The following CHODL variants were observed in gnomAD, a reference collection of about 807,000 sequenced individuals.
CHODL encodes the protein chondrolectin.
A neutral mutation model predicts 34.5 loss-of-function variants in CHODL; 29 were observed. The observed-to-expected ratio is 0.84, with a 90% confidence interval of 0.63 to 1.15. The LOEUF (loss-of-function observed/expected upper bound fraction) is 1.15, where lower values mean the gene tolerates loss of function less well. Among genes scored for constraint, CHODL ranks in the 50% most tolerant of loss-of-function variants. The pLI, the probability that CHODL is intolerant of heterozygous loss-of-function variation, is 0.00. For synonymous variants in CHODL, 125 were observed against 116.1 expected, an observed-to-expected ratio of 1.08 and a Z score of -0.49; for missense variants, 332 against 332.5, an observed-to-expected ratio of 1.00 and a Z score of 0.01.
chr21:17,972,417 T>G (rs1452257203), intron 1 of CHODL, among the ~76,000 whole-genome samples: 1 of 152,194 alleles, frequency 6.6e-6, no homozygotes, highest in Non-Finnish European at 1.5e-5. Context: ...CAAAATCTCC[T>G]TAAGCTGATA....
chr21:18,122,572 G>A (rs2065493218), intron 2 of CHODL, among the ~76,000 whole-genome samples: 1 of 151,888 alleles, frequency 6.6e-6, no homozygotes, highest in African/African-American at 2.4e-5. Context: ...TATTTTAATG[G>A]GCTCTTCCAA....
Position 18,072,392 on chromosome 21 carries a change from A to G in CHODL, c.-45+44421A>G, listed in dbSNP as rs546237423. ...GAAATATTTTTTAAGACACAATGCT[A>G]GTTACATGGATGAAGCCCTCTCCCA... On this transcript the variant is annotated intron_variant, in intron 2 of 6. Coordinates refer to the CHODL transcript ENST00000400127. Among the ~76,000 whole-genome samples the G allele has an allele frequency of 9.9e-5, 15 of 152,260 alleles. No homozygotes were observed. In the South Asian group the frequency reaches 1.9e-3, roughly 19 times the overall value.
intron 2 of CHODL, among the ~76,000 whole-genome samples, chr21:18,219,814 A>G (rs115348513): frequency 1.3e-5 from 2 of 150,884 alleles, no homozygotes; most frequent in Non-Finnish European, 3.0e-5. Flanking sequence ...TGAGTTCCTT[A>G]TATATTAAAA....
At chr21:18,002,751 T>C (rs1194268600) in intron 1 of CHODL, among the ~76,000 whole-genome samples, 3 of 152,050 alleles carry the variant, frequency 2.0e-5, no homozygotes, top group Admixed American at 6.6e-5. Flanking sequence ...GGAAATATGG[T>C]TTGATGGACA....
rs140007983 is a variant in CHODL, at chr21:17,971,257, G to A, written c.-145+53857G>A. On this transcript the variant is annotated intron_variant, in intron 1 of 6. Transcript: ENST00000400127. ...CCTTTGCGTGTATACCCAGTAATGG[G>A]ATTGCTGGGTCAAATGGTATTTCTA... 6.7e-3 allele frequency among the ~76,000 whole-genome samples: 1,020 copies of A among 152,284 alleles called. 13 individuals carry two copies. The highest frequency in any genetic ancestry group is 0.023 in the African/African-American group (944 of 41,566).
chr21:18,086,877 A>G (rs912556420), intron 2 of CHODL, among the ~76,000 whole-genome samples: 42 of 152,210 alleles, frequency 2.8e-4, no homozygotes, highest in Admixed American at 2.4e-3. Flanking sequence ...TGGTGAGCCA[A>G]GTGTGTGGGT....
At chr21:18,071,146 A>C (rs1216950401) in intron 2 of CHODL, among the ~76,000 whole-genome samples, 1 of 112,658 alleles carries the variant, frequency 8.9e-6, no homozygotes, top group African/African-American at 3.5e-5. Context: ...TAACTACAGC[A>C]TTTTTTTTTT....
chr21:18,162,475 GTGTC>G (rs1236880406), intron 2 of CHODL, among the ~76,000 whole-genome samples: 3 of 151,780 alleles, frequency 2.0e-5, no homozygotes, highest in Non-Finnish European at 4.4e-5. Flanking sequence ...GTAAGTGTGT[GTGTC>G]TGTGTCTGTG....
At chr21:18,209,293 C>T (rs999720065) in intron 2 of CHODL, among the ~76,000 whole-genome samples, 3 of 152,176 alleles carry the variant, frequency 2.0e-5, no homozygotes, top group East Asian at 3.9e-4. Context: ...AGTCTCTTCT[C>T]GTGGCCACTA....
chr21:18,241,249 T>TA (rs34330433), upstream of CHODL, among the ~76,000 whole-genome samples: 14,208 of 144,846 alleles, frequency 0.098, 714 homozygotes, highest in Non-Finnish European at 0.11. Context: ...ATTACTCAGA[T>TA]AAAAAAAAAA....
At chr21:18,181,627 T>TG (rs1568926179) in intron 2 of CHODL, among the ~76,000 whole-genome samples, 1 of 152,156 alleles carries the variant, frequency 6.6e-6, no homozygotes, top group Non-Finnish European at 1.5e-5. Context: ...CCTGACCTCG[T>TG]GATCCGACTG....
At chr21:18,001,316 G>T (rs2063903710) in intron 1 of CHODL, among the ~76,000 whole-genome samples, 1 of 152,206 alleles carries the variant, frequency 6.6e-6, no homozygotes, top group Non-Finnish European at 1.5e-5. Context: ...CCCATTTCAG[G>T]GAATTTTGAA....
intron 2 of CHODL, among the ~76,000 whole-genome samples, chr21:18,125,782 A>G (rs1034488349): frequency 6.6e-6 from 1 of 152,114 alleles, no homozygotes; most frequent in Non-Finnish European, 1.5e-5. Flanking sequence ...AAACTTTTGT[A>G]TGGAAAAAGG....
chr21:18,186,382 T>C (rs553884844), intron 2 of CHODL, among the ~76,000 whole-genome samples: 3 of 151,514 alleles, frequency 2.0e-5, no homozygotes, highest in South Asian at 4.2e-4. Context: ...AAGTTGCTCC[T>C]TAGGGAAGAA....
chr21:17,959,994 C>T (rs372552204), intron 1 of CHODL, among the ~76,000 whole-genome samples: 203 of 152,052 alleles, frequency 1.3e-3, no homozygotes, highest in African/African-American at 4.4e-3. Flanking sequence ...GTGAACAGTG[C>T]GGGGGTGATA....
At chr21:18,178,581 T>G (rs897325699) in intron 2 of CHODL, among the ~76,000 whole-genome samples, 3 of 152,226 alleles carry the variant, frequency 2.0e-5, no homozygotes, top group Non-Finnish European at 4.4e-5. Context: ...TATTATATAC[T>G]GTATTCTTGC....
chr21:18,171,992 T>G (rs1478781738), intron 2 of CHODL, among the ~76,000 whole-genome samples: 2 of 152,186 alleles, frequency 1.3e-5, no homozygotes, highest in African/African-American at 4.8e-5. Flanking sequence ...TTTCTACCTG[T>G]ACAGATCCTC....
intron 2 of CHODL, among the ~76,000 whole-genome samples, chr21:18,057,279 A>G (rs1382113314): frequency 6.6e-6 from 1 of 151,716 alleles, no homozygotes; most frequent in East Asian, 1.9e-4. Context: ...GGTATATTTA[A>G]TCTCTCTCTC....
At chr21:18,162,424 T>TCTCTCA (rs2146645052) in intron 2 of CHODL, among the ~76,000 whole-genome samples, 1 of 151,768 alleles carries the variant, frequency 6.6e-6, no homozygotes, top group Admixed American at 6.6e-5. Flanking sequence ...TCTCTCTCTC[T>TCTCTCA]CTCTCTCTCT....
Sources: allele counts gnomAD v4.1 joint callset (sites outside exome capture counted in the v4.1 genomes callset), GRCh38; gene constraint gnomAD v4.1.1; transcripts MANE v1.5; gene names NCBI Gene and HGNC (gene_info 2026-07-23, HGNC 2026-07-21).